The following PMFBP1 variants were observed in gnomAD, a reference collection of about 807,000 sequenced individuals.
The protein encoded by PMFBP1 is polyamine modulated factor 1 binding protein 1.
A neutral mutation model predicts 137.8 loss-of-function variants in PMFBP1; 131 were observed. That is an observed-to-expected ratio of 0.95 (90% CI 0.82 to 1.10). PMFBP1 has a LOEUF of 1.10. Ranked by LOEUF, PMFBP1 falls within the 50% of genes least tolerant of loss-of-function variation. The pLI is 0.00. For missense variants in PMFBP1, 1,199 were observed against 1,175.4 expected (o/e 1.02, Z -0.29); for synonymous variants, 490 against 450.4 (o/e 1.09, Z -1.11).
chr16:72,116,895 T>C (rs2042313790), downstream of PMFBP1, among the ~76,000 whole-genome samples: 1 of 152,160 alleles, frequency 6.6e-6, no homozygotes, highest in African/African-American at 2.4e-5. Flanking sequence ...AGTACCACAC[T>C]ATTTTGATTA....
Position 72,124,902 on chromosome 16 carries a change from C to T in PMFBP1, c.2454G>A (p.Met818Ile), listed in dbSNP as rs2042430557. 1 of 1,614,186 alleles carries T rather than the reference C, an allele frequency of 6.2e-7. No individual in the cohort carries two copies. ...TCTGCCACTGCAGCACCTGGCAGCTCATCTCCTCTAGCTTCTTGTCAAAGG... is the reference window on the plus strand; with the variant it reads ...TCTGCCACTGCAGCACCTGGCAGCTTATCTCCTCTAGCTTCTTGTCAAAGG... ...VHAFDKKLEEMSCQVLQWQKQ... is the reference protein window; with the variant it reads ...VHAFDKKLEEISCQVLQWQKQ... The change falls in exon 17 of 21, where the codon ATG becomes ATA. Residue 818 changes from methionine to isoleucine, a missense_variant. Met to Ile is a conservative substitution (Grantham distance 10, BLOSUM62 1). Coordinates refer to ENST00000237353, the MANE Select transcript of PMFBP1 (RefSeq NM_031293.3).
intron 2 of PMFBP1, 122 bp from the exon 3 acceptor site, chr16:72,165,038 G>A (rs2043124885): frequency 1.0e-6 from 1 of 985,374 alleles, no homozygotes; most frequent in African/African-American, 1.6e-5. Context: ...ACCATTAGCT[G>A]TTATTACTCA....
At chr16:72,152,437 G>A (rs537105139) in intron 4 of PMFBP1, among the ~76,000 whole-genome samples, 1 of 152,262 alleles carries the variant, frequency 6.6e-6, no homozygotes, top group South Asian at 2.1e-4. Context: ...TCTGGCCAGG[G>A]ATATTTAAGT....
At chr16:72,191,784 G>C in the PMFBP1 span, among the ~76,000 whole-genome samples, 1 of 152,326 alleles carries the variant, frequency 6.6e-6, no homozygotes, top group East Asian at 1.9e-4. Flanking sequence ...CCTCTGAAGA[G>C]GCTCTGTCCT....
chr16:72,183,618 C>T, the PMFBP1 span, among the ~76,000 whole-genome samples: 1 of 152,116 alleles, frequency 6.6e-6, no homozygotes, highest in Non-Finnish European at 1.5e-5. Context: ...TGCAATGATG[C>T]TATTTCCAAA....
chr16:72,245,778 G>C, the PMFBP1 span, among the ~76,000 whole-genome samples: 18 of 152,142 alleles, frequency 1.2e-4, no homozygotes, highest in East Asian at 3.5e-3. Context: ...TCTGCTGATG[G>C]CTTCTCCCTC....
At chr16:72,214,230 C>T in the PMFBP1 span, among the ~76,000 whole-genome samples, 14 of 151,884 alleles carry the variant, frequency 9.2e-5, no homozygotes, top group South Asian at 4.2e-4. Flanking sequence ...AGTCTTGCTC[C>T]ATCGCCCAGG....
Position 72,130,616 on chromosome 16 carries a change from T to C in PMFBP1, c.1554A>G (p.Ala518=), listed in dbSNP as rs757998774. 9 of 1,614,040 alleles carry C rather than the reference T, an allele frequency of 5.6e-6. No homozygotes were observed. The highest frequency in any genetic ancestry group is 7.6e-6 in the Non-Finnish European group (9 of 1,180,004). Residue 518 remains alanine, a synonymous_variant, in exon 11 of 21, where the codon GCA becomes GCG. Coordinates refer to ENST00000237353, the MANE Select transcript of PMFBP1 (RefSeq NM_031293.3). The part of the protein sequence containing the change: ...QKGLLLDKQK[A]DTIQELQREL... ...CTCTCTGTAGTTCCTGGATGGTGTC[T>C]GCCTTCTGCTTGTCCAGGAGGAGAC...
the PMFBP1 span, among the ~76,000 whole-genome samples, chr16:72,245,888 TTTGCTCCAG>T: frequency 1.3e-5 from 2 of 152,336 alleles, no homozygotes; most frequent in South Asian, 4.1e-4. Context: ...TCTCTATTTC[TTTGCTCCAG>T]CACCAGTGCT....
upstream of PMFBP1, among the ~76,000 whole-genome samples, chr16:72,173,422 T>C (rs2043238831): frequency 6.6e-6 from 1 of 152,208 alleles, no homozygotes; most frequent in South Asian, 2.1e-4. Context: ...ATTGTGATGG[T>C]TTCATCCGCT....
At chr16:72,180,516 A>T (rs530443056), upstream of PMFBP1, among the ~76,000 whole-genome samples, 127 of 152,240 alleles carry the variant, frequency 8.3e-4, 1 homozygote, top group Non-Finnish European at 1.4e-3. Context: ...CTCCCCAACC[A>T]AAAGGGTAAA....
At chr16:72,173,506 T>C (rs986254767), upstream of PMFBP1, among the ~76,000 whole-genome samples, 16 of 152,162 alleles carry the variant, frequency 1.1e-4, no homozygotes, top group African/African-American at 2.4e-5. Context: ...GGTTCTAACA[T>C]TTGCATGAAA....
chr16:72,117,034 C>CAAA (rs35283042), downstream of PMFBP1, among the ~76,000 whole-genome samples: 597 of 117,006 alleles, frequency 5.1e-3, 4 homozygotes, highest in African/African-American at 0.017. Context: ...CCTATTTCTG[C>CAAA]AAAAAAAAAA....
At chr16:72,161,504 AT>A (rs1597488734) in intron 3 of PMFBP1, among the ~76,000 whole-genome samples, 2 of 152,130 alleles carry the variant, frequency 1.3e-5, no homozygotes, top group East Asian at 3.9e-4. Context: ...TTTTAGATGC[AT>A]CTTTCTGACG....
intron 5 of PMFBP1, among the ~76,000 whole-genome samples, chr16:72,144,930 T>C (rs1243110093): frequency 6.6e-6 from 1 of 152,178 alleles, no homozygotes; most frequent in Admixed American, 6.5e-5. Flanking sequence ...ACAATAATAG[T>C]GGGAGACTTT....
At chr16:72,225,972 G>A in the PMFBP1 span, among the ~76,000 whole-genome samples, 2 of 134,932 alleles carry the variant, frequency 1.5e-5, no homozygotes, top group Non-Finnish European at 3.1e-5. Flanking sequence ...CACACACACT[G>A]AGCAACAGTC....
chr16:72,205,132 C>T, the PMFBP1 span, among the ~76,000 whole-genome samples: 2 of 152,186 alleles, frequency 1.3e-5, no homozygotes, highest in African/African-American at 4.8e-5. Flanking sequence ...GGACCAGGGC[C>T]TTACAGTGCA....
In PMFBP1 at chr16:72,129,154, T is replaced by C. The variant is rs770532014; in HGVS notation, c.1862A>G (p.Glu621Gly). Reference sequence around the variant, plus strand: ...ATGCTCTTTGCTCTTCTTCAACTGCTCCCGTTTGTCCTCCAGAAGCTTTGT... The same window carrying C: ...ATGCTCTTTGCTCTTCTTCAACTGCCCCCGTTTGTCCTCCAGAAGCTTTGT... ...EATKLLEDKR[E>G]QLKKSKEHEK... The change falls in exon 13 of 21, where the codon GAG (glutamate) becomes GGG (glycine). Residue 621 changes from glutamate to glycine, a missense_variant. By Grantham distance (98) the Glu-to-Gly change is moderately conservative. Transcript: ENST00000237353. 5 of 1,614,130 alleles carry C rather than the reference T, an allele frequency of 3.1e-6. No individual in the cohort carries two copies. Among genetic ancestry groups the C allele is most frequent in the East Asian group, 2.2e-5 (1 of 44,900 alleles).
the PMFBP1 span, among the ~76,000 whole-genome samples, chr16:72,189,035 G>A: frequency 0.019 from 2,927 of 152,100 alleles, 42 homozygotes; most frequent in Non-Finnish European, 0.025. Context: ...AAAAGCTTGG[G>A]CATTTGGAAA....
Sources: gnomAD v4.1 joint callset for allele counts (sites outside exome capture counted in the v4.1 genomes callset) on GRCh38, gnomAD v4.1.1 for gene constraint, MANE v1.5 for transcripts, NCBI Gene and HGNC (gene_info 2026-07-23, HGNC 2026-07-21) for gene names.